Variants in AGRN observed in about 807,000 individuals in gnomAD.
AGRN encodes the protein agrin proteoglycan.
Under a neutral mutation model 211.0 loss-of-function variants are expected in AGRN, and 106 were observed. The observed-to-expected ratio is 0.50, with a 90% CI of 0.43 to 0.59. The LOEUF (loss-of-function observed/expected upper bound fraction) is 0.59, where lower values mean the gene tolerates loss of function less well. AGRN is among the 20% of genes least tolerant of loss of function. The pLI is 0.00. For synonymous variants in AGRN, 1,525 were observed against 1,332.5 expected, an observed-to-expected ratio of 1.14 and a Z score of -3.15; for missense variants, 3,040 against 2,982.6, an observed-to-expected ratio of 1.02 and a Z score of -0.45.
At chr1:1,028,311 TG>T (rs1231100189) in intron 2 of AGRN, among the ~76,000 whole-genome samples, 1 of 102,170 alleles carries the variant, frequency 9.8e-6, no homozygotes, top group African/African-American at 4.7e-5. Context: ...CTCTCTCCCG[TG>T]GGGAAACGCC....
At chr1:1,021,936 T>G (rs1280982952) in intron 1 of AGRN, among the ~76,000 whole-genome samples, 1 of 152,190 alleles carries the variant, frequency 6.6e-6, no homozygotes, top group Non-Finnish European at 1.5e-5. Context: ...AGGGACGTTA[T>G]TGGAGCTGGG....
Position 1,048,453 on chromosome 1 carries a change from A to C in AGRN, c.4105+88A>C, listed in dbSNP as rs1645166644. On this transcript the variant is annotated intron_variant, in intron 23 of 35. Coordinates refer to ENST00000379370, the MANE Select transcript of AGRN (RefSeq NM_198576.4). This position sits in a 1 kb window ranked among gnomAD's most constrained non-coding sequence, Gnocchi z 5.9. ...GGGGCTAAGCCACCATCAGGCTTTGAGTTGGGGGCAGGAGCCCGGATTAAG... is the reference window on the plus strand; with the variant it reads ...GGGGCTAAGCCACCATCAGGCTTTGCGTTGGGGGCAGGAGCCCGGATTAAG... 1 of 1,119,724 alleles carries C rather than the reference A, an allele frequency of 8.9e-7. No individual in the cohort carries two copies. The highest frequency in any genetic ancestry group is 3.0e-5 in the Admixed American group (1 of 33,344). The allele number at this position is 1,119,724 out of a possible 1,614,324, so 69.4% of individuals were successfully genotyped here. A position where few individuals can be genotyped will look rare whatever the true frequency, so the allele number is the denominator to read the frequency against.
chr1:1,034,236 G>A (rs1490229345), intron 2 of AGRN: 3 of 985,330 alleles, frequency 3.0e-6, no homozygotes, highest in Non-Finnish European at 3.6e-6. Context: ...CGGGAAGACC[G>A]AGCGCTGGCG....
intron 20 of AGRN, 29 bp from the exon 21 acceptor site, chr1:1,047,544 C>T: frequency 6.2e-7 from 1 of 1,612,520 alleles, no homozygotes; most frequent in Non-Finnish European, 8.5e-7. Context: ...TGGGCGGCCC[C>T]CCAAGTCCTT....
intron 1 of AGRN, 59 bp downstream of exon 1, chr1:1,020,432 C>T (rs1451545495): frequency 2.1e-6 from 3 of 1,453,136 alleles, no homozygotes; most frequent in South Asian, 1.3e-5. Flanking sequence ...CCGGGACCCC[C>T]GCCCCAGGCC....
At chr1:1,053,653 C>T in intron 33 of AGRN, 100 bp from the exon 34 acceptor site, 1 of 1,492,558 alleles carries the variant, frequency 6.7e-7, no homozygotes, top group Non-Finnish European at 9.1e-7. Flanking sequence ...CCCGTCACAG[C>T]CCTTGTGGCC....
At chr1:1,034,342 G>A (rs897777336) in intron 2 of AGRN, 1 of 985,374 alleles carries the variant, frequency 1.0e-6, no homozygotes, top group Non-Finnish European at 1.2e-6. Context: ...TTCTACTCCG[G>A]GAGAATTCTG....
chr1:1,028,275 A>G (rs902921405), intron 2 of AGRN, among the ~76,000 whole-genome samples: 6 of 144,056 alleles, frequency 4.2e-5, no homozygotes, highest in Non-Finnish European at 9.0e-5. Context: ...CCTGCCTCGG[A>G]GCTGCCGTCT....
chr1:1,052,046 TCTCA>T lies in AGRN; in HGVS notation c.5651+235_5651+238del, dbSNP rs1394937408. On this transcript the variant is annotated intron_variant, in intron 33 of 35. Transcript: ENST00000379370. ...GTAGAGCTCGGCGCCCCCCGCTCCC[TCTCA>T]CTCCCACTCCTCCATCCTTCCTGGT... The T allele has an allele frequency of 2.0e-6, 3 of 1,498,114 alleles. No individual in the cohort carries two copies. The Admixed American group carries it at 6.1e-5, about 31-fold the overall frequency. The allele number at this position is 1,498,114 out of a possible 1,614,324, so 92.8% of individuals were successfully genotyped here. A position where few individuals can be genotyped will look rare whatever the true frequency, so the allele number is the denominator to read the frequency against.
In AGRN at chr1:1,043,833, A is replaced by C; in HGVS notation, c.1809A>C (p.Gly603=). 1 of 1,610,804 alleles carries C rather than the reference A, an allele frequency of 6.2e-7. No individual in the cohort carries two copies. The highest frequency in any genetic ancestry group is 8.5e-7 in the Non-Finnish European group (1 of 1,179,792). ...CTCTGTCTCCTGCAGAGACCTGTGG[A>C]GATGCCGTGTGTGCTTTTGGGGCTG... ...VASAGPCETC[G]DAVCAFGAVC... is the part of the protein sequence containing the mutation. The change falls in exon 10 of 36, where the codon GGA becomes GGC. Residue 603 remains glycine, a synonymous_variant. Transcript: ENST00000379370.
At chr1:1,043,055 G>A (rs545614748) in intron 7 of AGRN, among the ~76,000 whole-genome samples, 184 bp from the exon 8 acceptor site, 62 of 152,224 alleles carry the variant, frequency 4.1e-4, no homozygotes, top group Admixed American at 1.1e-3. Flanking sequence ...TGTGTGTTCC[G>A]CTCGCCTCTG....
chr1:1,051,038 C>G lies in AGRN; in HGVS notation c.5253+201C>G. On this transcript the variant is annotated intron_variant, in intron 30 of 35. Coordinates refer to ENST00000379370, the MANE Select transcript of AGRN (RefSeq NM_198576.4). ...CCCGCTCTTCGGAGGCCAGAAATCC[C>G]GCAAGGTACTGTCGGCCTCTCATCC... The G allele has an allele frequency of 2.6e-6, 4 of 1,549,120 alleles. No individual in the cohort carries two copies. In the Middle Eastern group the frequency reaches 5.0e-4, roughly 194 times the overall value.
rs1429906428 is a variant in AGRN at position 1,051,195 on chromosome 1, G to A, written c.5254-58G>A. On this transcript the variant is annotated intron_variant, in intron 30 of 35. Coordinates refer to ENST00000379370, the MANE Select transcript of AGRN (RefSeq NM_198576.4). ...GGGGCGGGTGCGTGCAGGTGCCTGGGCCCTGGGTCTGCACCGTGGGTGGGC... is the reference window on the plus strand; with the variant it reads ...GGGGCGGGTGCGTGCAGGTGCCTGGACCCTGGGTCTGCACCGTGGGTGGGC... 7.1e-6 allele frequency: 11 copies of A among 1,544,782 alleles called. No homozygotes were observed. In the East Asian group the frequency reaches 7.2e-5, roughly 10 times the overall value.
chr1:1,040,638 C>T, intron 3 of AGRN, 27 bp from the exon 4 acceptor site: 2 of 1,546,498 alleles, frequency 1.3e-6, no homozygotes, highest in Non-Finnish European at 8.7e-7. Context: ...TCTCGGCACC[C>T]TGAGCTTTCT....
intron 2 of AGRN, among the ~76,000 whole-genome samples, chr1:1,028,327 C>T (rs998293710): frequency 7.5e-6 from 1 of 133,666 alleles, no homozygotes; most frequent in African/African-American, 3.2e-5. Context: ...AACGCCCCCC[C>T]CCCCCCCCCG....
At chr1:1,028,499 A>T (rs900676043) in intron 2 of AGRN, among the ~76,000 whole-genome samples, 1 of 145,318 alleles carries the variant, frequency 6.9e-6, no homozygotes, top group Non-Finnish European at 1.5e-5. Flanking sequence ...CACCCACGCC[A>T]CCCTTTCCGA....
At chr1:1,051,703 C>A in intron 32 of AGRN, 25 bp from the exon 33 acceptor site, 7 of 1,613,358 alleles carry the variant, frequency 4.3e-6, no homozygotes, top group Non-Finnish European at 5.9e-6. Flanking sequence ...CCACGAGGCC[C>A]CACCCTCACC....
intron 2 of AGRN, 31 bp downstream of exon 2, chr1:1,022,493 G>T: frequency 1.3e-6 from 2 of 1,589,348 alleles, no homozygotes; most frequent in Non-Finnish European, 1.7e-6. Flanking sequence ...GTGGGGGCCT[G>T]TGGGGGTCAG....
Position 1,049,703 on chromosome 1 carries a change from A to C in AGRN, c.4652A>C (p.His1551Pro), listed in dbSNP as rs377529093. 8.9e-6 allele frequency: 14 copies of C among 1,572,962 alleles called. No homozygotes were observed. Among genetic ancestry groups the C allele is most frequent in the Middle Eastern group, 1.7e-4 (1 of 6,006 alleles). The part of the protein sequence containing the change: ...RGSGVGECGD[H>P]PCLPNPCHGG... ...TCTGGCGTGGGCGAGTGCGGGGACC[A>C]CCCCTGCCTGCCCAACCCCTGCCAT... Residue 1551 changes from histidine to proline, a missense_variant, in exon 26 of 36, where the codon CAC becomes CCC. His to Pro is a moderately conservative substitution (Grantham distance 77). Coordinates refer to ENST00000379370, the MANE Select transcript of AGRN (RefSeq NM_198576.4).
Sources: allele counts gnomAD v4.1 joint callset (sites outside exome capture counted in the v4.1 genomes callset), GRCh38; gene constraint gnomAD v4.1.1; non-coding constraint Gnocchi (gnomAD v3.1); transcripts MANE v1.5; gene names NCBI Gene and HGNC (gene_info 2026-07-23, HGNC 2026-07-21).